The following BCAS3 variants were observed in gnomAD, a reference collection of about 807,000 sequenced individuals.
BCAS3 encodes BCAS3 microtubule associated cell migration factor.
BCAS3 carries 53 observed loss-of-function variants against 116.1 expected under a neutral mutation model. The ratio of observed to expected loss-of-function variants is 0.46; its 90% confidence interval spans 0.37 to 0.57. The LOEUF is 0.57. BCAS3 is among the 20% of genes least tolerant of loss of function. The pLI is 0.00. For synonymous variants in BCAS3, 391 were observed against 408.2 expected, an observed-to-expected ratio of 0.96 and a Z score of 0.51; for missense variants, 917 against 1,165.4, an observed-to-expected ratio of 0.79 and a Z score of 3.10.
intron 22 of BCAS3, among the ~76,000 whole-genome samples, chr17:61,096,816 A>T (rs537063981): frequency 6.6e-6 from 1 of 152,366 alleles, no homozygotes; most frequent in Non-Finnish European, 1.5e-5. Flanking sequence ...ACTATGAAGT[A>T]TAATGACAAT....
intron 22 of BCAS3, among the ~76,000 whole-genome samples, chr17:61,207,107 A>G (rs1027915259): frequency 1.3e-5 from 2 of 152,174 alleles, no homozygotes; most frequent in African/African-American, 4.8e-5. Context: ...TTTTCTTCAC[A>G]TGAACTCTTG....
chr17:61,042,240 T>G (rs2067570466), intron 19 of BCAS3, among the ~76,000 whole-genome samples: 3 of 152,210 alleles, frequency 2.0e-5, no homozygotes, highest in Admixed American at 2.0e-4. Flanking sequence ...GGAGCAAAAC[T>G]AATTGTTGAA....
intron 7 of BCAS3, among the ~76,000 whole-genome samples, chr17:60,825,096 G>A (rs565290476): frequency 3.3e-5 from 5 of 151,752 alleles, no homozygotes; most frequent in South Asian, 4.2e-4. Context: ...AGCCCAGGAG[G>A]TAGAGGTTGC....
chr17:61,303,875 T>C (rs1175666984), intron 22 of BCAS3, among the ~76,000 whole-genome samples: 1 of 152,190 alleles, frequency 6.6e-6, no homozygotes, highest in African/African-American at 2.4e-5. Flanking sequence ...TGGCACTTAG[T>C]AGGTGTTCAG....
At position 61,078,489 on chromosome 17, in the gene BCAS3, T is replaced by C. The variant is rs374015218; in HGVS notation, c.2287T>C (p.Leu763=). 2.1e-5 allele frequency: 34 copies of C among 1,614,038 alleles called. No homozygotes were observed. The African/African-American group carries it at 4.0e-4, about 19-fold the overall frequency. Residue 763 remains leucine (L), a synonymous_variant, in exon 21 of 24, where the codon TTG becomes CTG. Transcript: ENST00000407086. ...TCCGAGTGACACGCCACAGCCTCTT[T>C]TGGATTTTGATACAGATGATCTTGA... is the stretch of plus-strand genomic sequence containing the variant. The part of the protein sequence containing the change: ...HGPSDTPQPL[L]DFDTDDLDLN...
chr17:61,306,317 T>C lies in BCAS3; in HGVS notation c.2426-62010T>C, dbSNP rs1372075173. Among the ~76,000 whole-genome samples, 13 of 152,346 alleles carry C rather than the reference T, an allele frequency of 8.5e-5. No individual in the cohort carries two copies. In the East Asian group the frequency reaches 2.5e-3, roughly 29 times the overall value. On this transcript the variant is annotated intron_variant, in intron 22 of 23. Coordinates refer to ENST00000407086, the MANE Select transcript of BCAS3 (RefSeq NM_017679.5). ...TCGCTTACAAATTAAAGTACTTTGG[T>C]ACTATAATGGTGATTTGGTTATTAC...
rs869090870 is a variant in BCAS3 at position 61,059,063 on chromosome 17, C to CTTTTTT, written c.2030-15825_2030-15820dup. ...TCCCCGAACTCTTTTTTCTCCCCAT[C>CTTTTTT]TTTTTTTTTTTTTTTTTTTTTTTTT... On this transcript the variant is annotated intron_variant, in intron 19 of 23. Transcript: ENST00000407086. Among the ~76,000 whole-genome samples the CTTTTTT allele has an allele frequency of 1.9e-3, 61 of 32,800 alleles. 13 individuals are homozygous for CTTTTTT. Among genetic ancestry groups the CTTTTTT allele is most frequent in the South Asian group, 2.7e-3 (2 of 752 alleles). 21.5% of individuals were successfully genotyped at this position (32,800 alleles called of 152,430 possible). A position where few individuals can be genotyped will look rare whatever the true frequency, so the allele number is the denominator to read the frequency against.
chr17:60,890,633 A>G (rs1346983348), intron 10 of BCAS3, among the ~76,000 whole-genome samples: 1 of 152,186 alleles, frequency 6.6e-6, no homozygotes, highest in African/African-American at 2.4e-5. Flanking sequence ...AAGATACTAT[A>G]TGCACTAGGA....
At chr17:60,910,263 A>T (rs1351933652) in intron 11 of BCAS3, among the ~76,000 whole-genome samples, 1 of 152,194 alleles carries the variant, frequency 6.6e-6, no homozygotes, top group East Asian at 1.9e-4. Context: ...TATGTAAAAC[A>T]GAGCTCTTTA....
Position 61,026,267 on chromosome 17 carries a change from T to C in BCAS3, c.1638-8399T>C, listed in dbSNP as rs1187372781. On this transcript the variant is annotated intron_variant, in intron 16 of 23. Transcript: ENST00000407086. This position sits in a 1 kb window ranked among gnomAD's most constrained non-coding sequence, Gnocchi z 5.0. The stretch of plus-strand genomic sequence containing the variant: ...CCTCTTAGACCACTATTAAGAGATA[T>C]CCTAATTTCCTGGATTATGGCCAAA... 2.0e-5 allele frequency among the ~76,000 whole-genome samples: 3 copies of C among 152,064 alleles called. No homozygotes were observed. Among genetic ancestry groups the C allele is most frequent in the African/African-American group, 7.2e-5 (3 of 41,448 alleles).
intron 22 of BCAS3, among the ~76,000 whole-genome samples, chr17:61,296,250 T>C (rs1243549035): frequency 1.3e-5 from 2 of 152,214 alleles, no homozygotes; most frequent in East Asian, 1.9e-4. Context: ...ATTCTCCAAG[T>C]TCCTGGTGGT....
rs996693023 is a variant in BCAS3 at position 61,200,750 on chromosome 17, G to A, written c.2425+116186G>A. On this transcript the variant is annotated intron_variant, in intron 22 of 23. Coordinates refer to ENST00000407086, the MANE Select transcript of BCAS3 (RefSeq NM_017679.5). The surrounding 1 kb of genome is among the most constrained non-coding windows in gnomAD (Gnocchi z 5.1). ...TTTTGTTTCTTTGCCACACCCATAG[G>A]ATCAGGTACAGTTAACCTGTTTGAG... 6.6e-6 allele frequency among the ~76,000 whole-genome samples: 1 copy of A among 152,120 alleles called. No homozygotes were observed. Among genetic ancestry groups the A allele is most frequent in the Non-Finnish European group, 1.5e-5 (1 of 68,030 alleles).
rs1010258488 is a variant in BCAS3 at position 61,220,525 on chromosome 17, G to A, written c.2425+135961G>A. ...AATGACTTAAAACTTCAAATTTTAG[G>A]ATTAAACAGAATGGATATCCACTCC... On this transcript the variant is annotated intron_variant, in intron 22 of 23. Transcript: ENST00000407086. The surrounding 1 kb of genome is among the most constrained non-coding windows in gnomAD (Gnocchi z 4.5). 1.3e-5 allele frequency among the ~76,000 whole-genome samples: 2 copies of A among 152,072 alleles called. No individual in the cohort carries two copies. The highest frequency in any genetic ancestry group is 2.4e-5 in the African/African-American group (1 of 41,406).
At position 61,326,423 on chromosome 17, in the gene BCAS3, T is replaced by C. The variant is rs975109655; in HGVS notation, c.2426-41904T>C. 6.6e-6 allele frequency among the ~76,000 whole-genome samples: 1 copy of C among 152,150 alleles called. No homozygotes were observed. The highest frequency in any genetic ancestry group is 2.4e-5 in the African/African-American group (1 of 41,428). On this transcript the variant is annotated intron_variant, in intron 22 of 23. Transcript: ENST00000407086. This position sits in a 1 kb window ranked among gnomAD's most constrained non-coding sequence, Gnocchi z 5.3. ...ATGTGGACTTTAGTTTTATCCTAAA[T>C]GAGAAGCATGTTTTCAGCAGAGGGT...
chr17:61,036,281 C>T (rs541855489), intron 17 of BCAS3: 38 of 152,298 alleles, frequency 2.5e-4, no homozygotes, highest in Non-Finnish European at 4.3e-4. Context: ...AATGGCTCTC[C>T]TTTATGCTAA....
At chr17:61,089,183 A>G (rs1434219178) in intron 22 of BCAS3, among the ~76,000 whole-genome samples, 2 of 152,182 alleles carry the variant, frequency 1.3e-5, no homozygotes, top group African/African-American at 4.8e-5. Context: ...TTTCTCCACT[A>G]TCAAATACTG....
At chr17:61,035,949 C>T (rs1468462875) in intron 17 of BCAS3, among the ~76,000 whole-genome samples, 2 of 152,058 alleles carry the variant, frequency 1.3e-5, no homozygotes, top group African/African-American at 2.4e-5. Flanking sequence ...TGGAATTTTC[C>T]GTTTAATATT....
At position 61,281,314 on chromosome 17, in the gene BCAS3, G is replaced by A. The variant is rs2051225889; in HGVS notation, c.2426-87013G>A. On this transcript the variant is annotated intron_variant, in intron 22 of 23. Transcript: ENST00000407086. This position sits in a 1 kb window ranked among gnomAD's most constrained non-coding sequence, Gnocchi z 4.2. The stretch of plus-strand genomic sequence containing the variant: ...AAATATTTTATATCTTAGGACATTT[G>A]TGTAATTTCATCTGTATAAATAGTT... Among the ~76,000 whole-genome samples, 1 of 152,122 alleles carries A rather than the reference G, an allele frequency of 6.6e-6. No homozygotes were observed. Among genetic ancestry groups the A allele is most frequent in the Non-Finnish European group, 1.5e-5 (1 of 68,010 alleles).
intron 22 of BCAS3, among the ~76,000 whole-genome samples, chr17:61,297,059 G>T (rs577595973): frequency 6.6e-6 from 1 of 152,154 alleles, no homozygotes; most frequent in Admixed American, 6.5e-5. Context: ...CCAGGAAACC[G>T]CCAGGTACCA....
Sources: allele counts gnomAD v4.1 joint callset (sites outside exome capture counted in the v4.1 genomes callset), GRCh38; gene constraint gnomAD v4.1.1; non-coding constraint Gnocchi (gnomAD v3.1); transcripts MANE v1.5; gene names NCBI Gene and HGNC (gene_info 2026-07-23, HGNC 2026-07-21).